Variants in MLF1 observed in about 807,000 individuals in gnomAD.
MLF1 encodes the protein myeloid leukemia factor 1.
A neutral mutation model predicts 38.3 loss-of-function variants in MLF1; 37 were observed. The ratio of observed to expected loss-of-function variants is 0.96; its 90% CI spans 0.74 to 1.27. MLF1 has a LOEUF of 1.27. Among genes scored for constraint, MLF1 ranks in the 50% most tolerant of loss-of-function variants. The pLI is 0.00. For missense variants in MLF1, 331 were observed against 349.2 expected, an observed-to-expected ratio of 0.95 and a Z score of 0.42; for synonymous variants, 95 against 106.5, an observed-to-expected ratio of 0.89 and a Z score of 0.66.
chr3:158,604,419 C>T (rs538720499), intron 7 of MLF1, among the ~76,000 whole-genome samples: 1 of 152,272 alleles, frequency 6.6e-6, no homozygotes, highest in South Asian at 2.1e-4. Flanking sequence ...CTATTCTGTC[C>T]AGTGTAGTAA....
rs540570175 is a variant in MLF1, at chr3:158,589,784, C to T, written c.48-2650C>T. ...CCCTGGGCTAAAATCAAGGTGTTGGCAGGGCTACATTCCTTCTGGAGTTTA... is the reference window on the plus strand; with the variant it reads ...CCCTGGGCTAAAATCAAGGTGTTGGTAGGGCTACATTCCTTCTGGAGTTTA... On this transcript the variant is annotated intron_variant, in intron 1 of 7. Coordinates refer to ENST00000466246, the MANE Select transcript of MLF1 (RefSeq NM_001369783.1). 4.6e-5 allele frequency among the ~76,000 whole-genome samples: 7 copies of T among 152,268 alleles called. No homozygotes were observed. The East Asian group carries it at 1.3e-3, about 29-fold the overall frequency.
At chr3:158,582,313 T>C in intron 1 of MLF1, among the ~76,000 whole-genome samples, 1 of 131,624 alleles carries the variant, frequency 7.6e-6, no homozygotes, top group East Asian at 2.2e-4. Flanking sequence ...GAAAAAAGAC[T>C]GGAAAAAAAA....
At chr3:158,593,139 T>TAA (rs3835083) in intron 2 of MLF1, among the ~76,000 whole-genome samples, 2,033 of 149,306 alleles carry the variant, frequency 0.014, 49 homozygotes, top group African/African-American at 0.048. Flanking sequence ...AACTAAAAAT[T>TAA]AAAAAAAAAA....
chr3:158,578,279 G>A (rs1267642412), intron 1 of MLF1, among the ~76,000 whole-genome samples: 1 of 152,060 alleles, frequency 6.6e-6, no homozygotes, highest in Non-Finnish European at 1.5e-5. Flanking sequence ...TGCCATGTCA[G>A]TTATCTGAGA....
chr3:158,593,917 T>G (rs890558129), intron 3 of MLF1, among the ~76,000 whole-genome samples: 1 of 152,218 alleles, frequency 6.6e-6, no homozygotes, highest in Non-Finnish European at 1.5e-5. Flanking sequence ...TTCTACCACC[T>G]GTTTCTTAGG....
At chr3:158,578,139 TA>T (rs1715742388) in intron 1 of MLF1, among the ~76,000 whole-genome samples, 1 of 152,168 alleles carries the variant, frequency 6.6e-6, no homozygotes, top group African/African-American at 2.4e-5. Context: ...ATTTTCCTTA[TA>T]GACCAGTCTA....
chr3:158,597,011 C>T, intron 4 of MLF1, 66 bp downstream of exon 4: 1 of 1,009,794 alleles, frequency 9.9e-7, no homozygotes, highest in Non-Finnish European at 1.5e-6. Flanking sequence ...TTCATAGTGG[C>T]TTTCAAACAC....
At chr3:158,590,999 T>G (rs1297465264) in intron 1 of MLF1, 7 of 426,072 alleles carry the variant, frequency 1.6e-5, no homozygotes, top group Non-Finnish European at 3.2e-5. Context: ...CAAGGTAATG[T>G]GTGAATAAAT....
In MLF1 at chr3:158,592,018, C is replaced by T. The variant is rs536349474; in HGVS notation, c.48-416C>T. On this transcript the variant is annotated intron_variant, in intron 1 of 7. Transcript: ENST00000466246. ...AATGCATTTAATACACTTAACCTAC[C>T]GAGTATCATCAGAACATACACATTA... Among the ~76,000 whole-genome samples, 8 of 152,140 alleles carry T rather than the reference C, an allele frequency of 5.3e-5. No homozygotes were observed. The South Asian group carries it at 1.7e-3, about 32-fold the overall frequency.
At position 158,598,210 on chromosome 3, in the gene MLF1, T is replaced by A. The variant is rs1305121582; in HGVS notation, c.453+2T>A. 6.2e-7 allele frequency: 1 copy of A among 1,610,198 alleles called. No homozygotes were observed. The highest frequency in any genetic ancestry group is 8.5e-7 in the Non-Finnish European group (1 of 1,179,072). ...CAAACTCGTCGAGCTCCAGGAGGAG[T>A]AAGTTTTCTATAAGCATTCCTAAAG... On this transcript the variant is annotated splice_donor_variant, in intron 5 of 7. Transcript: ENST00000466246. LOFTEE classifies it high-confidence loss of function.
chr3:158,589,857 G>A (rs1312295769), intron 1 of MLF1, among the ~76,000 whole-genome samples: 1 of 152,178 alleles, frequency 6.6e-6, no homozygotes, highest in Non-Finnish European at 1.5e-5. Context: ...AGATACTGCT[G>A]TGTTCCTTGG....
chr3:158,602,639 A>G (rs1391079221), intron 6 of MLF1, among the ~76,000 whole-genome samples, 168 bp from the exon 7 acceptor site: 2 of 152,218 alleles, frequency 1.3e-5, no homozygotes, highest in African/African-American at 2.4e-5. Flanking sequence ...AGACAGGAAA[A>G]CAAATACTAC....
Position 158,576,154 on chromosome 3 carries a change from A to G in MLF1, c.47+4807A>G, listed in dbSNP as rs1204781005. Among the ~76,000 whole-genome samples, 3 of 152,188 alleles carry G rather than the reference A, an allele frequency of 2.0e-5. No individual in the cohort carries two copies. The East Asian group carries it at 5.8e-4, about 29-fold the overall frequency. On this transcript the variant is annotated intron_variant, in intron 1 of 7. Transcript: ENST00000466246. ...AGTAAAAGGAAATGTTAAAAGTTAT[A>G]TTTTAAAATTTGGTGTTTTATTACA...
At chr3:158,578,054 G>A (rs1170745885) in intron 1 of MLF1, among the ~76,000 whole-genome samples, 4 of 152,054 alleles carry the variant, frequency 2.6e-5, no homozygotes, top group Non-Finnish European at 5.9e-5. Flanking sequence ...TAGATGTCTT[G>A]GTTCCTGCCC....
At chr3:158,585,055 AG>A (rs371663028) in intron 1 of MLF1, among the ~76,000 whole-genome samples, 25,370 of 129,002 alleles carry the variant, frequency 0.2, 2,748 homozygotes, top group Non-Finnish European at 0.25. Context: ...AAAAAAAAAA[AG>A]AAAAAGAAAA....
intron 3 of MLF1, among the ~76,000 whole-genome samples, chr3:158,595,228 A>G (rs1718714842): frequency 6.6e-6 from 1 of 152,126 alleles, no homozygotes; most frequent in South Asian, 2.1e-4. Flanking sequence ...GGCCTTTCTC[A>G]GGTGGTGATA....
intron 5 of MLF1, 109 bp downstream of exon 5, chr3:158,598,317 A>C: frequency 1.0e-5 from 9 of 879,650 alleles, no homozygotes; most frequent in African/African-American, 1.7e-5. Flanking sequence ...TGGTGGGGGG[A>C]CAGGAGGGAG....
At position 158,584,658 on chromosome 3, in the gene MLF1, A is replaced by AGTGTGTGTGT. The variant is rs56885799; in HGVS notation, c.48-7743_48-7734dup. ...AAGGATATTTAATCTCCATAAAGAA[A>AGTGTGTGTGT]GTGTGTGTGTGTGTGTGTGTGTGTG... is the stretch of plus-strand genomic sequence containing the variant. On this transcript the variant is annotated intron_variant, in intron 1 of 7. Transcript: ENST00000466246. Among the ~76,000 whole-genome samples, 620 of 134,344 alleles carry AGTGTGTGTGT rather than the reference A, an allele frequency of 4.6e-3. 7 individuals are homozygous for AGTGTGTGTGT. Among genetic ancestry groups the AGTGTGTGTGT allele is most frequent in the Non-Finnish European group, 4.8e-3 (293 of 61,420 alleles). 88.1% of individuals were successfully genotyped at this position (134,344 alleles called of 152,430 possible).
intron 1 of MLF1, among the ~76,000 whole-genome samples, chr3:158,584,658 AGTGTGTGTGTGTGTGTGT>A (rs56885799): frequency 2.2e-5 from 3 of 134,284 alleles, no homozygotes; most frequent in Admixed American, 7.6e-5. Context: ...CCATAAAGAA[AGTGTGTGTGTGTGTGTGT>A]GTGTGTGTGT....
Sources: gnomAD v4.1 joint callset for allele counts (sites outside exome capture counted in the v4.1 genomes callset) on GRCh38, gnomAD v4.1.1 for gene constraint, MANE v1.5 for transcripts, NCBI Gene and HGNC (gene_info 2026-07-23, HGNC 2026-07-21) for gene names.